ARHGAP44: variants seen among roughly 807,000 people sequenced by gnomAD.
The protein encoded by ARHGAP44 is Rho GTPase activating protein 44, also known as rho GTPase-activating protein 44.
Under a neutral mutation model 106.8 loss-of-function variants are expected in ARHGAP44, and 43 were observed. That is an observed-to-expected ratio of 0.40 (90% confidence interval 0.32 to 0.52). ARHGAP44 has a LOEUF of 0.52. ARHGAP44 is among the 20% of genes least tolerant of loss of function. ARHGAP44 has a pLI of 0.48. For synonymous variants in ARHGAP44, 439 were observed against 410.3 expected, an observed-to-expected ratio of 1.07 and a Z score of -0.85; for missense variants, 866 against 1,050.5, an observed-to-expected ratio of 0.82 and a Z score of 2.43.
intron 7 of ARHGAP44, among the ~76,000 whole-genome samples, chr17:12,931,172 A>G (rs1370738341): frequency 6.6e-6 from 1 of 150,780 alleles, no homozygotes; most frequent in Non-Finnish European, 1.5e-5. Flanking sequence ...CCTGGGTTCA[A>G]GCAATTCTTA....
intron 20 of ARHGAP44, chr17:12,986,705 A>AAAAAAAAAAAAT: frequency 8.4e-6 from 1 of 119,348 alleles, no homozygotes; most frequent in African/African-American, 3.0e-5. Context: ...AAAAAAAAGA[A>AAAAAAAAAAAAT]TGAGCAGAAG....
chr17:12,890,230 A>G (rs1040459062), intron 1 of ARHGAP44, among the ~76,000 whole-genome samples: 16 of 151,978 alleles, frequency 1.1e-4, no homozygotes, highest in Non-Finnish European at 2.2e-4. Flanking sequence ...CTCTTGTGAC[A>G]TGTCTCTTGT....
intron 5 of ARHGAP44, among the ~76,000 whole-genome samples, chr17:12,918,971 C>T (rs141504308): frequency 1.8e-4 from 27 of 152,296 alleles, no homozygotes; most frequent in African/African-American, 5.5e-4. Flanking sequence ...GAGTTTAGCT[C>T]AGGAAAGGGC....
At chr17:12,927,942 T>A (rs1290659044) in intron 6 of ARHGAP44, among the ~76,000 whole-genome samples, 1 of 152,166 alleles carries the variant, frequency 6.6e-6, no homozygotes, top group Non-Finnish European at 1.5e-5. Context: ...TATTTTTTTT[T>A]AACTTGCTGG....
chr17:12,829,995 G>A (rs763618208), intron 1 of ARHGAP44, among the ~76,000 whole-genome samples: 5 of 152,106 alleles, frequency 3.3e-5, no homozygotes, highest in Admixed American at 6.5e-5. Flanking sequence ...GTAAATATTA[G>A]AATAAATGAA....
intron 6 of ARHGAP44, among the ~76,000 whole-genome samples, chr17:12,926,968 T>G (rs771144113): frequency 2.6e-5 from 4 of 152,206 alleles, no homozygotes; most frequent in Non-Finnish European, 4.4e-5. Context: ...CCACAACACT[T>G]TAATACTTTA....
At chr17:12,900,044 G>T (rs980298331) in intron 3 of ARHGAP44, among the ~76,000 whole-genome samples, 7 of 152,152 alleles carry the variant, frequency 4.6e-5, no homozygotes, top group Non-Finnish European at 1.0e-4. Flanking sequence ...TGTCTTGTGG[G>T]TACTGAGTAA....
intron 1 of ARHGAP44, among the ~76,000 whole-genome samples, chr17:12,840,487 C>T (rs894232979): frequency 2.6e-5 from 4 of 152,192 alleles, no homozygotes; most frequent in Non-Finnish European, 4.4e-5. Context: ...CTTTTAGTTG[C>T]TTTCTTTGTC....
At chr17:12,913,406 A>G (rs540555865) in intron 4 of ARHGAP44, among the ~76,000 whole-genome samples, 1 of 152,264 alleles carries the variant, frequency 6.6e-6, no homozygotes, top group African/African-American at 2.4e-5. Flanking sequence ...GAAACCAGTA[A>G]TTATAGTATA....
Position 12,985,176 on chromosome 17 carries a change from CG to C in ARHGAP44, c.2317+273del, listed in dbSNP as rs1239600536. The C allele has an allele frequency of 2.6e-5, 11 of 422,784 alleles. No homozygotes were observed. The East Asian group carries it at 3.9e-4, about 15-fold the overall frequency. 26.2% of individuals were successfully genotyped at this position (422,784 alleles called of 1,614,324 possible). A position where few individuals can be genotyped will look rare whatever the true frequency, so the allele number is the denominator to read the frequency against. On this transcript the variant is annotated intron_variant, in intron 20 of 20. Transcript: ENST00000379672. ...GGGGTTCTGTTTTTGCTCTTATTAT[CG>C]GGGGTTGAAGACACTGAGTCATTTG...
chr17:12,869,059 G>GTTTTA (rs1183348224), intron 1 of ARHGAP44, among the ~76,000 whole-genome samples: 1 of 152,114 alleles, frequency 6.6e-6, no homozygotes, highest in African/African-American at 2.4e-5. Context: ...TAAAAGTAAA[G>GTTTTA]ACATTTGAGG....
At chr17:12,794,013 G>A (rs1164576101) in intron 1 of ARHGAP44, among the ~76,000 whole-genome samples, 1 of 152,204 alleles carries the variant, frequency 6.6e-6, no homozygotes, top group South Asian at 2.1e-4. Flanking sequence ...TCAGAGGAGA[G>A]AGGAACAGCT....
chr17:12,953,593 C>A (rs1362330146), intron 13 of ARHGAP44, among the ~76,000 whole-genome samples: 1 of 152,136 alleles, frequency 6.6e-6, no homozygotes, highest in Non-Finnish European at 1.5e-5. Flanking sequence ...CAGCAGTGTT[C>A]ATGGTAGGTA....
At chr17:12,812,143 T>A (rs2034458419) in intron 1 of ARHGAP44, among the ~76,000 whole-genome samples, 1 of 152,204 alleles carries the variant, frequency 6.6e-6, no homozygotes, top group South Asian at 2.1e-4. Context: ...GTAAGTCTAA[T>A]AATCTTACCC....
intron 1 of ARHGAP44, among the ~76,000 whole-genome samples, chr17:12,821,014 C>A (rs2034754325): frequency 6.6e-6 from 1 of 152,124 alleles, no homozygotes; most frequent in Admixed American, 6.5e-5. Context: ...TTATGCTTTT[C>A]CAAATATGCC....
intron 1 of ARHGAP44, among the ~76,000 whole-genome samples, chr17:12,865,276 A>T (rs1472930156): frequency 6.6e-6 from 1 of 152,204 alleles, no homozygotes; most frequent in Non-Finnish European, 1.5e-5. Context: ...TAGATGATTT[A>T]TACAAAAAAA....
chr17:12,920,798 A>G (rs1484729186), intron 6 of ARHGAP44, among the ~76,000 whole-genome samples: 1 of 152,168 alleles, frequency 6.6e-6, no homozygotes, highest in East Asian at 1.9e-4. Context: ...GAGAGCAGTC[A>G]AGTACCTGTA....
At chr17:12,867,357 C>G in intron 1 of ARHGAP44, among the ~76,000 whole-genome samples, 1 of 152,114 alleles carries the variant, frequency 6.6e-6, no homozygotes, top group East Asian at 1.9e-4. Flanking sequence ...CGTCATAGCC[C>G]TGCCCTGCTA....
intron 1 of ARHGAP44, among the ~76,000 whole-genome samples, chr17:12,859,404 A>G (rs2036002393): frequency 6.6e-6 from 1 of 152,188 alleles, no homozygotes; most frequent in Non-Finnish European, 1.5e-5. Flanking sequence ...GGGAACTAAT[A>G]CAGGAGCCTT....
Sources: gnomAD v4.1 joint callset for allele counts (sites outside exome capture counted in the v4.1 genomes callset) on GRCh38, gnomAD v4.1.1 for gene constraint, MANE v1.5 for transcripts, NCBI Gene and HGNC (gene_info 2026-07-23, HGNC 2026-07-21) for gene names.